The following CCPG1 variants were observed in gnomAD, a reference collection of about 807,000 sequenced individuals.
CCPG1 encodes the protein cell cycle progression protein 1.
In CCPG1, 46 loss-of-function variants were observed where a neutral mutation model predicts 81.3. That is an observed-to-expected ratio of 0.57 (90% CI 0.45 to 0.72). The LOEUF is 0.72. Ranked by LOEUF, CCPG1 falls within the 30% of genes least tolerant of loss-of-function variation. CCPG1 has a pLI of 0.00. For missense variants in CCPG1, 902 were observed against 937.6 expected (o/e 0.96, Z 0.50); for synonymous variants, 330 against 305.2 (o/e 1.08, Z -0.85).
chr15:55,373,075 A>G (rs1425702516), intron 5 of CCPG1: 1 of 520,634 alleles, frequency 1.9e-6, no homozygotes, highest in South Asian at 1.5e-5. Context: ...TCCTTTATGA[A>G]AATAATAGTA....
rs930339395 is a variant in CCPG1 at position 55,374,994 on chromosome 15, A to G, written c.454+1955T>C. On this transcript the variant is annotated intron_variant, in intron 5 of 8. Coordinates refer to ENST00000442196, the MANE Select transcript of CCPG1 (RefSeq NM_001204450.2). ...AACAAAAACTTTTGGCAACTGGTTT[A>G]TATGCAGTGTTTTCAGTATAGTCCA... Among the ~76,000 whole-genome samples the G allele has an allele frequency of 6.6e-5, 10 of 152,314 alleles. 1 individual carries two copies. Among genetic ancestry groups the G allele is most frequent in the Non-Finnish European group, 1.5e-4 (10 of 68,026 alleles).
intron 1 of CCPG1, among the ~76,000 whole-genome samples, chr15:55,396,167 AAAAAAG>A (rs1375176558): frequency 3.3e-5 from 5 of 152,186 alleles, no homozygotes; most frequent in African/African-American, 1.2e-4. Context: ...AAAAAAAAAA[AAAAAAG>A]AACTCAAAAT....
chr15:55,375,294 A>G (rs193296494), intron 5 of CCPG1, among the ~76,000 whole-genome samples: 5 of 152,254 alleles, frequency 3.3e-5, no homozygotes, highest in Non-Finnish European at 5.9e-5. Context: ...TTTTACGTCT[A>G]TGTCAGTTTC....
chr15:55,402,284 G>C (rs1000900491), intron 1 of CCPG1, among the ~76,000 whole-genome samples: 1 of 152,110 alleles, frequency 6.6e-6, no homozygotes, highest in Non-Finnish European at 1.5e-5. Flanking sequence ...CGGGAGTACA[G>C]TGGCACCATC....
At chr15:55,383,642 ACTTGGTGCGC>A (rs2056744649) in intron 3 of CCPG1, among the ~76,000 whole-genome samples, 1 of 152,226 alleles carries the variant, frequency 6.6e-6, no homozygotes. Context: ...CTCCTGGATA[ACTTGGTGCGC>A]CTTCTACATC....
intron 7 of CCPG1, among the ~76,000 whole-genome samples, chr15:55,362,205 C>A (rs1042362613): frequency 1.3e-5 from 2 of 151,820 alleles, no homozygotes; most frequent in Non-Finnish European, 2.9e-5. Flanking sequence ...CATTATACAT[C>A]GAGTTAAAAA....
At position 55,355,377 on chromosome 15, in the gene CCPG1, T is replaced by C. The variant is rs1321521727; in HGVS notation, c.*843A>G. 1 of 1,611,786 alleles carries C rather than the reference T, an allele frequency of 6.2e-7. No homozygotes were observed. The highest frequency in any genetic ancestry group is 2.2e-5 in the East Asian group (1 of 44,830). On this transcript the variant is annotated 3_prime_UTR_variant, in exon 9 of 9. Coordinates refer to ENST00000442196, the MANE Select transcript of CCPG1 (RefSeq NM_001204450.2). ...CCAGAGGGTCGAATTGGAAGTCACATATATGTCTATGAACGGAAGTTAAAA... is the reference window on the plus strand; with the variant it reads ...CCAGAGGGTCGAATTGGAAGTCACACATATGTCTATGAACGGAAGTTAAAA...
intron 1 of CCPG1, among the ~76,000 whole-genome samples, chr15:55,402,419 G>C (rs2057145277): frequency 6.6e-6 from 1 of 152,028 alleles, no homozygotes; most frequent in African/African-American, 2.4e-5. Flanking sequence ...GTAGAGACGG[G>C]GTTTCACCAT....
At chr15:55,375,760 T>C (rs1351250518) in intron 5 of CCPG1, among the ~76,000 whole-genome samples, 1 of 150,868 alleles carries the variant, frequency 6.6e-6, no homozygotes, top group Non-Finnish European at 1.5e-5. Flanking sequence ...AGTGGCGCAA[T>C]CTCAGCTCAC....
At chr15:55,388,139 T>C (rs1236994966) in intron 2 of CCPG1, among the ~76,000 whole-genome samples, 1 of 151,688 alleles carries the variant, frequency 6.6e-6, no homozygotes, top group Non-Finnish European at 1.5e-5. Context: ...AGCGACAGCC[T>C]GGACAACAAG....
At chr15:55,361,066 G>C (rs1042025425) in intron 7 of CCPG1, 122 bp from the exon 8 acceptor site, 2 of 1,081,178 alleles carry the variant, frequency 1.8e-6, no homozygotes, top group Admixed American at 7.0e-5. Flanking sequence ...ACAACCCCCC[G>C]GGTAGTATTT....
At chr15:55,407,936 C>T (rs908471813) in intron 1 of CCPG1, 5 of 152,750 alleles carry the variant, frequency 3.3e-5, no homozygotes, top group Non-Finnish European at 7.3e-5. Context: ...AGCTCTCCCA[C>T]CCTTGGCGCG....
At chr15:55,364,560 C>CAAACA (rs765612317) in intron 7 of CCPG1, among the ~76,000 whole-genome samples, 27 of 150,636 alleles carry the variant, frequency 1.8e-4, no homozygotes, top group South Asian at 4.3e-4. Flanking sequence ...TTAGCTCTCC[C>CAAACA]AAACAAAACA....
At position 55,360,076 on chromosome 15, in the gene CCPG1, A is replaced by C. The variant is rs1237981539; in HGVS notation, c.1697T>G (p.Phe566Cys). The C allele has an allele frequency of 6.2e-7, 1 of 1,613,888 alleles. No homozygotes were observed. Among genetic ancestry groups the C allele is most frequent in the Admixed American group, 1.7e-5 (1 of 59,998 alleles). The change falls in exon 8 of 9, where the codon TTT becomes TGT. Residue 566 changes from phenylalanine (F) to cysteine (C), a missense_variant. Transcript: ENST00000442196. The stretch of plus-strand genomic sequence containing the variant: ...ATACTGTGGATGTAAATAGTCACTA[A>C]AAACTGTTCTTGGTTTTTCAGCTGC... ...KEAAEKPRTV[F>C]SDYLHPQYKA...
At chr15:55,404,823 G>C (rs1457889851) in intron 1 of CCPG1, among the ~76,000 whole-genome samples, 1 of 152,142 alleles carries the variant, frequency 6.6e-6, no homozygotes, top group Non-Finnish European at 1.5e-5. Flanking sequence ...TGTAATGCCA[G>C]CACTTCGGGA....
At chr15:55,370,920 G>A (rs552238774) in intron 6 of CCPG1, among the ~76,000 whole-genome samples, 88 of 148,272 alleles carry the variant, frequency 5.9e-4, no homozygotes, top group Non-Finnish European at 1.0e-3. Context: ...AGACCAGCCT[G>A]GCCAACATGG....
At chr15:55,385,516 C>A in intron 3 of CCPG1, 84 bp downstream of exon 3, 2 of 670,842 alleles carry the variant, frequency 3.0e-6, no homozygotes, top group Admixed American at 3.2e-5. Context: ...GCCAGAAAGG[C>A]CACCCACCTG....
intron 6 of CCPG1, among the ~76,000 whole-genome samples, chr15:55,368,434 A>G (rs2056376025): frequency 6.6e-6 from 1 of 152,110 alleles, no homozygotes; most frequent in South Asian, 2.1e-4. Context: ...CAGTAAGTGT[A>G]CCCTTTGAGC....
At chr15:55,373,301 A>G (rs2056493084) in intron 5 of CCPG1, among the ~76,000 whole-genome samples, 1 of 152,244 alleles carries the variant, frequency 6.6e-6, no homozygotes, top group Non-Finnish European at 1.5e-5. Context: ...TAAGGATAAA[A>G]TATGAACTCG....
Sources: allele counts gnomAD v4.1 joint callset (sites outside exome capture counted in the v4.1 genomes callset), GRCh38; gene constraint gnomAD v4.1.1; transcripts MANE v1.5; gene names NCBI Gene and HGNC (gene_info 2026-07-23, HGNC 2026-07-21).